SLC25A31: variants seen among roughly 807,000 people sequenced by gnomAD.
The protein encoded by SLC25A31 is solute carrier family 25 member 31, also known as ADP/ATP translocase 4.
Under a neutral mutation model 36.2 loss-of-function variants are expected in SLC25A31, and 40 were observed. The observed-to-expected ratio is 1.10, with a 90% CI of 0.86 to 1.44. The LOEUF (loss-of-function observed/expected upper bound fraction) is 1.44. Ranked by LOEUF, SLC25A31 falls within the 40% of genes most tolerant of loss-of-function variation. SLC25A31 has a pLI of 0.00. For synonymous variants in SLC25A31, 143 were observed against 149.7 expected, an observed-to-expected ratio of 0.96 and a Z score of 0.32; for missense variants, 350 against 397.1, an observed-to-expected ratio of 0.88 and a Z score of 1.01.
chr4:127,742,860 C>T (rs999779092), intron 1 of SLC25A31, among the ~76,000 whole-genome samples: 3 of 152,042 alleles, frequency 2.0e-5, no homozygotes, highest in South Asian at 2.1e-4. Flanking sequence ...ATTTAATTTT[C>T]CTCTTCATTT....
intron 2 of SLC25A31, among the ~76,000 whole-genome samples, 179 bp downstream of exon 2, chr4:127,744,978 G>A (rs932279788): frequency 1.3e-5 from 2 of 152,092 alleles, no homozygotes; most frequent in African/African-American, 4.8e-5. Context: ...GGAAAAAATA[G>A]TAAGTGTTTA....
intron 5 of SLC25A31, among the ~76,000 whole-genome samples, chr4:127,770,950 T>G (rs866605767): frequency 1.1e-3 from 116 of 103,040 alleles, no homozygotes; most frequent in Middle Eastern, 4.6e-3. Context: ...CTTCTTCTTC[T>G]TTTTTTTTTT....
In SLC25A31 at chr4:127,773,680, A is replaced by G. The variant is rs186596668; in HGVS notation, c.*106A>G. 16 of 892,802 alleles carry G rather than the reference A, an allele frequency of 1.8e-5. No individual in the cohort carries two copies. The African/African-American group carries it at 2.7e-4, about 15-fold the overall frequency. The allele number at this position is 892,802 out of a possible 1,614,324, so 55.3% of individuals were successfully genotyped here. On this transcript the variant is annotated 3_prime_UTR_variant, in exon 6 of 6. Transcript: ENST00000281154. ...ATAGTGTTATTGTCTGTATTTTGTT[A>G]AAGTGCTAGTTCTGCAATAAAGCAT...
chr4:127,734,237 T>C (rs1336034647), intron 1 of SLC25A31, among the ~76,000 whole-genome samples: 1 of 152,176 alleles, frequency 6.6e-6, no homozygotes, highest in Non-Finnish European at 1.5e-5. Context: ...AGGAACTGTC[T>C]TATTAGTATA....
intron 3 of SLC25A31, among the ~76,000 whole-genome samples, 167 bp downstream of exon 3, chr4:127,764,527 T>G (rs1467018134): frequency 6.6e-6 from 1 of 152,182 alleles, no homozygotes; most frequent in South Asian, 2.1e-4. Flanking sequence ...TTGCTTCTTT[T>G]CCCTTAAAAA....
At chr4:127,731,878 C>T (rs1731534154) in intron 1 of SLC25A31, among the ~76,000 whole-genome samples, 1 of 151,314 alleles carries the variant, frequency 6.6e-6, no homozygotes, top group Non-Finnish European at 1.5e-5. Flanking sequence ...TCATAACAAA[C>T]ACAATATATA....
intron 5 of SLC25A31, among the ~76,000 whole-genome samples, chr4:127,773,156 A>G (rs1007881419): frequency 3.3e-5 from 5 of 152,118 alleles, no homozygotes; most frequent in Admixed American, 2.0e-4. Context: ...ATCATGGTCT[A>G]TGTGATGACA....
At chr4:127,767,332 T>A in intron 4 of SLC25A31, 112 bp downstream of exon 4, 1 of 1,053,560 alleles carries the variant, frequency 9.5e-7, no homozygotes, top group African/African-American at 1.7e-5. Flanking sequence ...AAATCAGTGA[T>A]GAAAAAAGAG....
intron 1 of SLC25A31, among the ~76,000 whole-genome samples, chr4:127,744,151 T>G (rs2148755924): frequency 6.6e-6 from 1 of 152,346 alleles, no homozygotes. Flanking sequence ...TGCCTGGAAT[T>G]GAAATGGATC....
chr4:127,732,257 A>G (rs1731540451), intron 1 of SLC25A31, among the ~76,000 whole-genome samples: 1 of 152,202 alleles, frequency 6.6e-6, no homozygotes, highest in Admixed American at 6.5e-5. Context: ...CATTTAAAAA[A>G]GCACCTTGTA....
At chr4:127,733,933 T>G (rs187657124) in intron 1 of SLC25A31, among the ~76,000 whole-genome samples, 15 of 152,342 alleles carry the variant, frequency 9.8e-5, no homozygotes, top group Middle Eastern at 3.4e-3. Flanking sequence ...TCACTTTGAG[T>G]GTTTCTGACA....
At chr4:127,737,090 A>C (rs951941766) in intron 1 of SLC25A31, among the ~76,000 whole-genome samples, 1 of 152,250 alleles carries the variant, frequency 6.6e-6, no homozygotes. Context: ...AAGGTACAGC[A>C]GAGGCAAAGA....
intron 1 of SLC25A31, among the ~76,000 whole-genome samples, chr4:127,736,954 T>C (rs1309997848): frequency 6.6e-6 from 1 of 152,210 alleles, no homozygotes; most frequent in East Asian, 1.9e-4. Context: ...ATAGCATATC[T>C]AAGTAGAGTT....
intron 2 of SLC25A31, among the ~76,000 whole-genome samples, chr4:127,745,230 G>A (rs1353209276): frequency 6.6e-6 from 1 of 151,896 alleles, no homozygotes; most frequent in East Asian, 1.9e-4. Flanking sequence ...TGAGATTAAA[G>A]TGTATAGGAA....
chr4:127,768,790 C>G lies in SLC25A31; in HGVS notation c.672C>G (p.Val224=), dbSNP rs1233449370. 5 of 1,607,502 alleles carry G rather than the reference C, an allele frequency of 3.1e-6. No homozygotes were observed. The highest frequency in any genetic ancestry group is 3.4e-6 in the Non-Finnish European group (4 of 1,176,996). Residue 224 remains valine (V), a synonymous_variant, in exon 5 of 6, where the codon GTC becomes GTG. Coordinates refer to ENST00000281154, the MANE Select transcript of SLC25A31 (RefSeq NM_031291.4). ...LPKPKKTPFL[V]SFFIAQVVTT... is the part of the protein sequence containing the mutation. ...AGCCAAAGAAAACTCCATTTCTTGTCTCCTTTTTCATTGCTCAAGTTGTGA... is the reference window on the plus strand; with the variant it reads ...AGCCAAAGAAAACTCCATTTCTTGTGTCCTTTTTCATTGCTCAAGTTGTGA...
At chr4:127,771,333 A>G (rs1732355876) in intron 5 of SLC25A31, among the ~76,000 whole-genome samples, 1 of 152,048 alleles carries the variant, frequency 6.6e-6, no homozygotes. Flanking sequence ...AATTACCTTT[A>G]AAGACCCTAT....
intron 2 of SLC25A31, among the ~76,000 whole-genome samples, chr4:127,747,997 A>C (rs1731855100): frequency 6.6e-6 from 1 of 152,186 alleles, no homozygotes; most frequent in South Asian, 2.1e-4. Context: ...CTTCCCAAGA[A>C]CATACGACAA....
At chr4:127,757,202 TGCTG>T (rs1732047227) in intron 2 of SLC25A31, among the ~76,000 whole-genome samples, 1 of 152,220 alleles carries the variant, frequency 6.6e-6, no homozygotes, top group Non-Finnish European at 1.5e-5. Context: ...TATTGTGTAA[TGCTG>T]GGGTTTGGGC....
intron 1 of SLC25A31, among the ~76,000 whole-genome samples, chr4:127,736,201 C>T (rs1449687610): frequency 2.6e-5 from 4 of 152,096 alleles, no homozygotes; most frequent in African/African-American, 9.7e-5. Flanking sequence ...CTTGGCAAGG[C>T]CAGCCAATAA....
Sources: gnomAD v4.1 joint callset for allele counts (sites outside exome capture counted in the v4.1 genomes callset) on GRCh38, gnomAD v4.1.1 for gene constraint, MANE v1.5 for transcripts, NCBI Gene and HGNC (gene_info 2026-07-23, HGNC 2026-07-21) for gene names.